Variants in GARIN5B observed in about 807,000 individuals in gnomAD.
The protein encoded by GARIN5B is Golgi-associated RAB2 interactor protein 5B.
chr19:55,362,854 C>G, the GARIN5B span: 5 of 1,469,994 alleles, frequency 3.4e-6, no homozygotes, highest in Non-Finnish European at 4.5e-6. Flanking sequence ...CAAGATCCCC[C>G]AGCACGGGGG....
chr19:55,359,280 G>A, the GARIN5B span: 1 of 1,550,534 alleles, frequency 6.4e-7, no homozygotes, highest in South Asian at 1.2e-5. Context: ...GGGAGGAGTA[G>A]AGATTTCTTC....
At chr19:55,358,483 C>A in the GARIN5B span, 1 of 1,538,144 alleles carries the variant, frequency 6.5e-7, no homozygotes, top group East Asian at 2.5e-5. Context: ...GAAAGGGCAC[C>A]TTGGGTGGCC....
At chr19:55,356,105 TAG>T in the GARIN5B span, among the ~76,000 whole-genome samples, 1 of 151,310 alleles carries the variant, frequency 6.6e-6, no homozygotes, top group Admixed American at 6.6e-5. Context: ...AGCCTGGCAA[TAG>T]AGCTCACCCC....
chr19:55,361,218 A>T, the GARIN5B span: 1 of 1,551,206 alleles, frequency 6.4e-7, no homozygotes, highest in Non-Finnish European at 8.7e-7. Flanking sequence ...TTATGCGGAA[A>T]GTTGCGCTCA....
chr19:55,359,454 C>T, the GARIN5B span: 2 of 1,545,016 alleles, frequency 1.3e-6, no homozygotes, highest in African/African-American at 2.8e-5. Flanking sequence ...ATGGCTGGGG[C>T]CTTCTGGGAT....
chr19:55,360,399 A>G, the GARIN5B span, among the ~76,000 whole-genome samples: 15 of 134,144 alleles, frequency 1.1e-4, no homozygotes, highest in African/African-American at 4.1e-4. Context: ...CCTCCCTCAG[A>G]CTCAGGAGTC....
At chr19:55,362,329 A>T in the GARIN5B span, 1 of 1,548,916 alleles carries the variant, frequency 6.5e-7, no homozygotes, top group South Asian at 1.2e-5. Context: ...TCCAGGTGGG[A>T]GCCGGCTCCT....
At chr19:55,355,642 T>C in the GARIN5B span, among the ~76,000 whole-genome samples, 6 of 152,144 alleles carry the variant, frequency 3.9e-5, no homozygotes, top group South Asian at 2.1e-4. Flanking sequence ...CCTGCCTGGT[T>C]AATATCAGGC....
At chr19:55,362,895 CG>C in the GARIN5B span, 1 of 1,488,546 alleles carries the variant, frequency 6.7e-7, no homozygotes, top group Non-Finnish European at 9.0e-7. Context: ...CTCTCAGCCC[CG>C]GGGCACTGGG....
At chr19:55,361,131 G>T in the GARIN5B span, 1 of 1,551,224 alleles carries the variant, frequency 6.4e-7, no homozygotes, top group Non-Finnish European at 8.7e-7. Context: ...GGGACGGTTA[G>T]ACAGGGGCAG....
At chr19:55,362,375 A>G in the GARIN5B span, 1 of 1,550,552 alleles carries the variant, frequency 6.4e-7, no homozygotes, top group Non-Finnish European at 8.7e-7. Flanking sequence ...GCAGTGGAAC[A>G]GGAAGCCCAC....
At chr19:55,358,942 C>T in the GARIN5B span, 1 of 1,551,086 alleles carries the variant, frequency 6.4e-7, no homozygotes, top group Admixed American at 2.0e-5. Flanking sequence ...CCCAGTCCTC[C>T]AACTTCCCCT....
the GARIN5B span, among the ~76,000 whole-genome samples, chr19:55,355,661 G>GGATT: frequency 6.6e-6 from 1 of 152,122 alleles, no homozygotes; most frequent in Non-Finnish European, 1.5e-5. Context: ...GCCTGACTCA[G>GGATT]GATTGTTTAC....
chr19:55,357,824 C>T, the GARIN5B span, among the ~76,000 whole-genome samples: 9 of 152,134 alleles, frequency 5.9e-5, no homozygotes, highest in Non-Finnish European at 4.4e-5. Context: ...GAGGCCGAGG[C>T]GGGTGGATCA....
the GARIN5B span, among the ~76,000 whole-genome samples, chr19:55,355,847 G>A: frequency 6.6e-6 from 1 of 151,762 alleles, no homozygotes; most frequent in Non-Finnish European, 1.5e-5. Context: ...TTAGCCAGGC[G>A]TGTTGGTGCG....
the GARIN5B span, chr19:55,363,114 G>T: frequency 1.4e-6 from 2 of 1,429,458 alleles, no homozygotes; most frequent in Non-Finnish European, 9.2e-7. The surrounding 1 kb of genome is among the most constrained non-coding windows in gnomAD (Gnocchi z 4.0). Context: ...GAACCCAGGC[G>T]TGCAGGCCTC....
chr19:55,358,950 C>T, the GARIN5B span: 1 of 1,551,238 alleles, frequency 6.4e-7, no homozygotes, highest in Non-Finnish European at 8.7e-7. Flanking sequence ...TCCAACTTCC[C>T]CTGGCCCCTG....
chr19:55,362,348 TTGA>T, the GARIN5B span: 2 of 1,550,298 alleles, frequency 1.3e-6, no homozygotes, highest in Non-Finnish European at 1.7e-6. Context: ...CTGAAGCAGG[TTGA>T]TGAGGCGGAC....
At chr19:55,355,961 T>C in the GARIN5B span, among the ~76,000 whole-genome samples, 7 of 147,634 alleles carry the variant, frequency 4.7e-5, no homozygotes, top group Admixed American at 3.3e-4. Flanking sequence ...CACTTCAGTC[T>C]GGGCAACATG....
Sources: gnomAD v4.1 joint callset for allele counts (sites outside exome capture counted in the v4.1 genomes callset) on GRCh38, gnomAD v4.1.1 for gene constraint, Gnocchi (gnomAD v3.1) non-coding constraint, MANE v1.5 for transcripts, NCBI Gene and HGNC (gene_info 2026-07-23, HGNC 2026-07-21) for gene names.